The following NRXN3 variants were observed in gnomAD, a reference collection of about 807,000 sequenced individuals.
NRXN3 encodes the protein neurexin III.
In NRXN3, 32 loss-of-function variants were observed where a neutral mutation model predicts 137.6. That is an observed-to-expected ratio of 0.23 (90% CI 0.18 to 0.31). The LOEUF (loss-of-function observed/expected upper bound fraction) is 0.31, where lower values mean the gene tolerates loss of function less well. NRXN3 is among the 10% of genes least tolerant of loss of function. The pLI is 1.00. For missense variants in NRXN3, 1,574 were observed against 2,062.5 expected (o/e 0.76, Z 4.59); for synonymous variants, 798 against 784.5 (o/e 1.02, Z -0.29).
intron 8 of NRXN3, among the ~76,000 whole-genome samples, chr14:78,752,466 C>G (rs538878051): frequency 5.3e-5 from 8 of 152,280 alleles, no homozygotes; most frequent in Non-Finnish European, 1.0e-4. Flanking sequence ...TCATTGGACA[C>G]ATTTAGAACC....
chr14:79,072,828 C>T (rs2099689697), intron 15 of NRXN3, among the ~76,000 whole-genome samples: 1 of 151,846 alleles, frequency 6.6e-6, no homozygotes, highest in Non-Finnish European at 1.5e-5. Flanking sequence ...CTCTGTCTCC[C>T]CATCTCTCCT....
At chr14:78,197,265 A>G (rs958218764) in intron 1 of NRXN3, among the ~76,000 whole-genome samples, 9 of 152,210 alleles carry the variant, frequency 5.9e-5, no homozygotes, top group African/African-American at 2.2e-4. Flanking sequence ...CACTGCTTTT[A>G]GCTGGGGTGC....
intron 4 of NRXN3, among the ~76,000 whole-genome samples, chr14:78,454,936 G>A (rs973038078): frequency 2.6e-5 from 4 of 152,178 alleles, no homozygotes; most frequent in African/African-American, 9.7e-5. Context: ...TTTGGATTCT[G>A]CCATAGGCTT....
rs889870676 is a variant in NRXN3 at position 79,457,007 on chromosome 14, T to C, written c.3263-10214T>C. The stretch of plus-strand genomic sequence containing the variant: ...TGTCTCTTATGTCACAGTTTTATCA[T>C]CAGAGAGGCACTGATGGAGTGTTTC... On this transcript the variant is annotated intron_variant, in intron 15 of 20. Coordinates refer to ENST00000335750, the MANE Select transcript of NRXN3 (RefSeq NM_001330195.2). Among the ~76,000 whole-genome samples the C allele has an allele frequency of 2.0e-5, 3 of 148,658 alleles. No homozygotes were observed. The Admixed American group carries it at 2.0e-4, about 10-fold the overall frequency.
chr14:79,769,259 G>C (rs966617982), intron 19 of NRXN3, among the ~76,000 whole-genome samples: 1 of 150,098 alleles, frequency 6.7e-6, no homozygotes, highest in African/African-American at 2.4e-5. Context: ...TTCAGATTCA[G>C]GAAATACAGA....
intron 15 of NRXN3, among the ~76,000 whole-genome samples, chr14:79,326,499 T>C (rs546525602): frequency 6.6e-6 from 1 of 152,340 alleles, no homozygotes; most frequent in East Asian, 1.9e-4. Context: ...TTATGCTGTG[T>C]CATTCTATCT....
At chr14:78,513,484 T>A (rs1256061821) in intron 4 of NRXN3, among the ~76,000 whole-genome samples, 1 of 152,128 alleles carries the variant, frequency 6.6e-6, no homozygotes, top group African/African-American at 2.4e-5. Context: ...ATGTTTGCAT[T>A]GTTAATTATA....
intron 19 of NRXN3, among the ~76,000 whole-genome samples, chr14:79,756,488 C>T (rs60558485): frequency 3.3e-5 from 5 of 152,102 alleles, no homozygotes; most frequent in Middle Eastern, 3.2e-3. Context: ...CTTAACTTGT[C>T]TTTTTACCAT....
At chr14:79,337,863 T>C (rs1461281953) in intron 15 of NRXN3, among the ~76,000 whole-genome samples, 1 of 152,122 alleles carries the variant, frequency 6.6e-6, no homozygotes, top group African/African-American at 2.4e-5. Context: ...TTGTTATGTG[T>C]CTTTAAATAA....
intron 15 of NRXN3, among the ~76,000 whole-genome samples, chr14:79,203,608 C>T (rs746593621): frequency 2.0e-5 from 3 of 152,122 alleles, no homozygotes; most frequent in Non-Finnish European, 4.4e-5. Flanking sequence ...GATCTAATAA[C>T]CCAGTAACCT....
At chr14:78,786,191 T>G (rs1010357327) in intron 8 of NRXN3, among the ~76,000 whole-genome samples, 1 of 152,212 alleles carries the variant, frequency 6.6e-6, no homozygotes, top group African/African-American at 2.4e-5. Flanking sequence ...AACAATAGTA[T>G]GTACTCAGAA....
chr14:79,738,621 C>T (rs551760747), intron 19 of NRXN3, among the ~76,000 whole-genome samples: 6 of 152,070 alleles, frequency 3.9e-5, no homozygotes, highest in Non-Finnish European at 5.9e-5. Context: ...TGCAGTGGTG[C>T]GATCTTGGCT....
At position 79,686,295 on chromosome 14, in the gene NRXN3, A is replaced by T. The variant is rs142148430; in HGVS notation, c.3617-5878A>T. 3.8e-3 allele frequency among the ~76,000 whole-genome samples: 583 copies of T among 152,242 alleles called. 1 individual carries two copies. The highest frequency in any genetic ancestry group is 6.2e-3 in the Non-Finnish European group (420 of 68,020). ...AACTACATGTCTACAGGCTCATCAG[A>T]GAGAGAGCACAGGCAGAGGCTAGAG... is the stretch of plus-strand genomic sequence containing the variant. On this transcript the variant is annotated intron_variant, in intron 17 of 20. Transcript: ENST00000335750.
At chr14:78,942,633 A>G (rs1041121336) in intron 10 of NRXN3, among the ~76,000 whole-genome samples, 1 of 152,158 alleles carries the variant, frequency 6.6e-6, no homozygotes, top group Admixed American at 6.5e-5. Context: ...GAGGGGGAAA[A>G]TGGGAGACAC....
At chr14:78,686,290 C>T (rs1338007343) in intron 6 of NRXN3, among the ~76,000 whole-genome samples, 7 of 152,346 alleles carry the variant, frequency 4.6e-5, no homozygotes, top group African/African-American at 1.7e-4. Flanking sequence ...TCTCTTGGCA[C>T]TAGCAGAATC....
At chr14:78,266,975 C>T (rs1469324690) in intron 2 of NRXN3, among the ~76,000 whole-genome samples, 2 of 152,132 alleles carry the variant, frequency 1.3e-5, no homozygotes, top group Non-Finnish European at 2.9e-5. Context: ...CATTGGGAGG[C>T]ATTCAGTTGA....
chr14:78,340,000 T>C (rs1036100091), intron 4 of NRXN3, among the ~76,000 whole-genome samples: 1 of 152,118 alleles, frequency 6.6e-6, no homozygotes, highest in Non-Finnish European at 1.5e-5. Flanking sequence ...TACCAACAGC[T>C]GAAATTCATG....
At chr14:79,807,418 G>T (rs529346176) in intron 20 of NRXN3, among the ~76,000 whole-genome samples, 2 of 152,200 alleles carry the variant, frequency 1.3e-5, no homozygotes, top group Non-Finnish European at 2.9e-5. Context: ...ATAAGGCAGT[G>T]GGCTTTTCCA....
chr14:79,292,145 T>A (rs2083307022), intron 15 of NRXN3, among the ~76,000 whole-genome samples: 1 of 152,212 alleles, frequency 6.6e-6, no homozygotes, highest in Admixed American at 6.5e-5. Context: ...AGTTCCCGGA[T>A]ACTGAAAGCA....
Sources: gnomAD v4.1 joint callset for allele counts (sites outside exome capture counted in the v4.1 genomes callset) on GRCh38, gnomAD v4.1.1 for gene constraint, MANE v1.5 for transcripts, NCBI Gene and HGNC (gene_info 2026-07-23, HGNC 2026-07-21) for gene names.